GRID1: variants seen among roughly 807,000 people sequenced by gnomAD.
The protein encoded by GRID1 is glutamate ionotropic receptor delta type subunit 1, also known as glutamate receptor ionotropic, delta-1.
In GRID1, 28 loss-of-function variants were observed where a neutral mutation model predicts 98.0. The ratio of observed to expected loss-of-function variants is 0.29; its 90% CI spans 0.21 to 0.39. The LOEUF is 0.39. Among genes scored for constraint, GRID1 ranks in the 10% least tolerant of loss-of-function variants. The pLI is 1.00. For synonymous variants in GRID1, 553 were observed against 538.5 expected (o/e 1.03, Z -0.37); for missense variants, 1,111 against 1,340.5 (o/e 0.83, Z 2.67).
At chr10:86,320,559 G>C (rs746038) in intron 2 of GRID1, among the ~76,000 whole-genome samples, 1 of 152,006 alleles carries the variant, frequency 6.6e-6, no homozygotes, top group Non-Finnish European at 1.5e-5. Context: ...ACTGTTTAAG[G>C]GCTATAGTAT....
chr10:85,681,301 T>C (rs550744188), intron 12 of GRID1, among the ~76,000 whole-genome samples: 5 of 152,316 alleles, frequency 3.3e-5, no homozygotes, highest in African/African-American at 9.6e-5. Flanking sequence ...ACCTTTTTCA[T>C]GTCCAACATT....
At chr10:86,260,945 A>G (rs943968193) in intron 2 of GRID1, among the ~76,000 whole-genome samples, 6 of 152,242 alleles carry the variant, frequency 3.9e-5, no homozygotes, top group Admixed American at 2.6e-4. Context: ...AGGTGGGAGA[A>G]GGAGTGCTGC....
chr10:85,966,963 G>T (rs1222357327), intron 4 of GRID1, among the ~76,000 whole-genome samples: 1 of 152,194 alleles, frequency 6.6e-6, no homozygotes, highest in Non-Finnish European at 1.5e-5. Context: ...CATGCCTTAA[G>T]GGCAGGGACA....
At chr10:86,152,936 T>C (rs566708571) in intron 3 of GRID1, among the ~76,000 whole-genome samples, 5 of 152,364 alleles carry the variant, frequency 3.3e-5, no homozygotes, top group African/African-American at 1.2e-4. Context: ...CATAATTACT[T>C]TCTGATATTT....
At chr10:85,815,085 T>G (rs1230309854) in intron 8 of GRID1, among the ~76,000 whole-genome samples, 1 of 152,004 alleles carries the variant, frequency 6.6e-6, no homozygotes, top group African/African-American at 2.4e-5. Context: ...AATGCAAAAC[T>G]GCTTTCACAT....
chr10:85,996,840 AAAAG>A (rs1215091453), intron 4 of GRID1, among the ~76,000 whole-genome samples: 120 of 151,636 alleles, frequency 7.9e-4, no homozygotes, highest in African/African-American at 2.3e-3. Flanking sequence ...AAAAAAAAAA[AAAAG>A]AAAGAAAGAA....
intron 2 of GRID1, among the ~76,000 whole-genome samples, chr10:86,304,242 G>A (rs956957817): frequency 1.3e-5 from 2 of 152,220 alleles, no homozygotes; most frequent in Non-Finnish European, 2.9e-5. Flanking sequence ...GGGAAGCCCA[G>A]AAGCTGTGTG....
chr10:86,037,406 T>C (rs1234432309), intron 4 of GRID1, among the ~76,000 whole-genome samples: 1 of 152,224 alleles, frequency 6.6e-6, no homozygotes, highest in Non-Finnish European at 1.5e-5. Flanking sequence ...CAGAAAAGGA[T>C]ATAGTAATAA....
intron 4 of GRID1, among the ~76,000 whole-genome samples, chr10:86,016,502 A>C (rs1278688901): frequency 1.3e-5 from 2 of 152,150 alleles, no homozygotes; most frequent in African/African-American, 2.4e-5. Flanking sequence ...GTTATGAGTA[A>C]GAGTTAATTT....
intron 4 of GRID1, among the ~76,000 whole-genome samples, chr10:86,033,930 T>C (rs1843220305): frequency 6.6e-6 from 1 of 152,230 alleles, no homozygotes; most frequent in South Asian, 2.1e-4. Flanking sequence ...CTCATCCCCA[T>C]TGACCCTGGG....
intron 2 of GRID1, among the ~76,000 whole-genome samples, chr10:86,257,861 G>A (rs1378923955): frequency 2.0e-5 from 3 of 152,132 alleles, no homozygotes; most frequent in Non-Finnish European, 4.4e-5. Flanking sequence ...TAAAGAACAG[G>A]GGAGCAATGC....
At chr10:85,939,448 C>T (rs879287948) in intron 4 of GRID1, among the ~76,000 whole-genome samples, 15 of 152,146 alleles carry the variant, frequency 9.9e-5, no homozygotes, top group Admixed American at 6.5e-4. Context: ...GACAGGGCTG[C>T]GTTCCTGTCT....
At chr10:86,073,687 A>C (rs895147206) in intron 4 of GRID1, among the ~76,000 whole-genome samples, 2 of 152,224 alleles carry the variant, frequency 1.3e-5, no homozygotes, top group African/African-American at 4.8e-5. Context: ...GGTGGGCACC[A>C]CTTGATGCCA....
intron 4 of GRID1, among the ~76,000 whole-genome samples, chr10:86,005,759 C>T (rs920737981): frequency 1.3e-5 from 2 of 152,128 alleles, no homozygotes; most frequent in African/African-American, 4.8e-5. Context: ...TGGGGGATAG[C>T]TCACAGTATG....
chr10:86,038,270 A>G (rs1010116738), intron 4 of GRID1, among the ~76,000 whole-genome samples: 1 of 152,194 alleles, frequency 6.6e-6, no homozygotes, highest in African/African-American at 2.4e-5. Flanking sequence ...TATCAGTGTA[A>G]TGTCTCCAAG....
At chr10:85,755,761 A>G (rs762708701) in intron 8 of GRID1, among the ~76,000 whole-genome samples, 10 of 152,106 alleles carry the variant, frequency 6.6e-5, no homozygotes, top group Middle Eastern at 3.4e-3. Context: ...TTGCCCAAGA[A>G]CCCCATTTCC....
chr10:86,062,600 G>A (rs1444840251), intron 4 of GRID1, among the ~76,000 whole-genome samples: 5 of 152,196 alleles, frequency 3.3e-5, no homozygotes, highest in African/African-American at 1.2e-4. Context: ...GTCATGGGGA[G>A]TCTGTGTAGG....
At chr10:86,283,551 TTA>T (rs1847385184) in intron 2 of GRID1, among the ~76,000 whole-genome samples, 1 of 31,124 alleles carries the variant, frequency 3.2e-5, no homozygotes, top group African/African-American at 1.4e-4. Flanking sequence ...ACACCTGCCC[TTA>T]CACACACATG....
intron 12 of GRID1, among the ~76,000 whole-genome samples, chr10:85,701,764 T>G (rs541099850): frequency 3.7e-4 from 56 of 152,226 alleles, no homozygotes; most frequent in Middle Eastern, 3.4e-3. Flanking sequence ...CACTGATATG[T>G]GAGAGCTAAG....
Sources: allele counts gnomAD v4.1 joint callset (sites outside exome capture counted in the v4.1 genomes callset), GRCh38; gene constraint gnomAD v4.1.1; transcripts MANE v1.5; gene names NCBI Gene and HGNC (gene_info 2026-07-23, HGNC 2026-07-21).